Variants in GINS2 observed in about 807,000 individuals in gnomAD.
GINS2 encodes DNA replication complex GINS protein PSF2.
A neutral mutation model predicts 21.2 loss-of-function variants in GINS2; 23 were observed. That is an observed-to-expected ratio of 1.08 (90% CI 0.78 to 1.53). GINS2 has a LOEUF of 1.53. Among genes scored for constraint, GINS2 ranks in the 40% most tolerant of loss-of-function variants. The pLI, the probability that GINS2 is intolerant of heterozygous loss-of-function variation, is 0.00. For missense variants in GINS2, 323 were observed against 233.9 expected (o/e 1.38, Z -2.49); for synonymous variants, 118 against 85.6 (o/e 1.38, Z -2.09).
chr16:85,686,532 A>C (rs2053779232), intron 2 of GINS2, among the ~76,000 whole-genome samples: 1 of 152,162 alleles, frequency 6.6e-6, no homozygotes, highest in South Asian at 2.1e-4. Context: ...ACCTCCATCA[A>C]TCCCAATTTT....
intron 2 of GINS2, among the ~76,000 whole-genome samples, chr16:85,685,064 C>A (rs910314962): frequency 2.0e-5 from 3 of 152,092 alleles, no homozygotes; most frequent in Non-Finnish European, 4.4e-5. Flanking sequence ...GCTGGGATTA[C>A]AGGCATGAGC....
chr16:85,686,023 T>C lies in GINS2; in HGVS notation c.205+1437A>G, dbSNP rs186520897. Among the ~76,000 whole-genome samples the C allele has an allele frequency of 2.2e-3, 330 of 147,530 alleles. 1 individual carries two copies. The Middle Eastern group carries it at 0.063, about 28-fold the overall frequency. ...CAAAAAAATTAAGATTTTTTTTCCC[T>C]ATAATAAGCTACTCATATCTCCAAG... On this transcript the variant is annotated intron_variant, in intron 2 of 4. Transcript: ENST00000253462.
intron 2 of GINS2, 121 bp downstream of exon 2, chr16:85,687,330 AGTAGATAAC>A (rs1326035172): frequency 5.5e-6 from 3 of 541,942 alleles, no homozygotes; most frequent in Non-Finnish European, 1.0e-5. Flanking sequence ...TCAGCTGATC[AGTAGATAAC>A]GGAACAGAGG....
In GINS2 at chr16:85,676,505, G is replaced by A. The variant is rs1181904785; in HGVS notation, c.*1707C>T. Reference sequence around the variant, plus strand: ...CCAGTCTTCCAGGTCTGACCCTTCAGTGTCCAAATAACCACCAAAACCTGC... The same window carrying A: ...CCAGTCTTCCAGGTCTGACCCTTCAATGTCCAAATAACCACCAAAACCTGC... On this transcript the variant is annotated 3_prime_UTR_variant, in exon 5 of 5. Coordinates refer to ENST00000253462, the MANE Select transcript of GINS2 (RefSeq NM_016095.3). 1 of 152,294 alleles carries A rather than the reference G, an allele frequency of 6.6e-6. No individual in the cohort carries two copies. Among genetic ancestry groups the A allele is most frequent in the Non-Finnish European group, 1.5e-5 (1 of 68,080 alleles). 9.4% of individuals were successfully genotyped at this position (152,294 alleles called of 1,614,324 possible). A position where few individuals can be genotyped will look rare whatever the true frequency, so the allele number is the denominator to read the frequency against.
intron 3 of GINS2, 146 bp downstream of exon 3, chr16:85,681,436 T>C (rs865944922): frequency 4.9e-6 from 3 of 607,214 alleles, no homozygotes; most frequent in Middle Eastern, 4.0e-4. Context: ...GATGACCTCA[T>C]GGTCACTGAC....
chr16:85,686,087 C>A (rs1431893199), intron 2 of GINS2, among the ~76,000 whole-genome samples: 1 of 152,158 alleles, frequency 6.6e-6, no homozygotes, highest in African/African-American at 2.4e-5. Context: ...TAAAGCCTGT[C>A]TGCATCTTTG....
At position 85,678,536 on chromosome 16, in the gene GINS2, C is replaced by G; in HGVS notation, c.432+4G>C. On this transcript the variant is annotated splice_donor_region_variant and intron_variant, in intron 4 of 4. Coordinates refer to ENST00000253462, the MANE Select transcript of GINS2 (RefSeq NM_016095.3). The stretch of plus-strand genomic sequence containing the variant: ...CACCAGCACCCAGGCAAGGCGGCAC[C>G]TACCTTGGCATGTGCCTCCTGCTGT... 6.2e-7 allele frequency: 1 copy of G among 1,612,402 alleles called. No homozygotes were observed. The highest frequency in any genetic ancestry group is 8.5e-7 in the Non-Finnish European group (1 of 1,179,350).
At chr16:85,680,541 C>T (rs1042833060) in intron 3 of GINS2, among the ~76,000 whole-genome samples, 6 of 152,022 alleles carry the variant, frequency 3.9e-5, no homozygotes, top group Admixed American at 6.6e-5. Flanking sequence ...AAACATGAGC[C>T]GCAGGCATCT....
chr16:85,681,912 G>T (rs956155670), intron 2 of GINS2, among the ~76,000 whole-genome samples: 1 of 151,718 alleles, frequency 6.6e-6, no homozygotes, highest in Non-Finnish European at 1.5e-5. Flanking sequence ...TTAGCCTGCA[G>T]AAGATATTCC....
chr16:85,679,409 C>G (rs1297656868), intron 3 of GINS2, among the ~76,000 whole-genome samples: 1 of 152,202 alleles, frequency 6.6e-6, no homozygotes, highest in Non-Finnish European at 1.5e-5. Flanking sequence ...ACGATAAAAG[C>G]AGAAGCAAAT....
intron 2 of GINS2, among the ~76,000 whole-genome samples, chr16:85,682,285 G>C (rs2053740632): frequency 1.3e-5 from 2 of 152,098 alleles, no homozygotes; most frequent in Admixed American, 1.3e-4. Context: ...GAAGTGCTGG[G>C]ATTATAGGAG....
intron 2 of GINS2, among the ~76,000 whole-genome samples, chr16:85,683,288 A>T (rs1219354872): frequency 2.0e-5 from 3 of 152,022 alleles, no homozygotes; most frequent in Admixed American, 6.6e-5. Context: ...CAAAGAGCTC[A>T]GCTCCCAACC....
intron 2 of GINS2, among the ~76,000 whole-genome samples, chr16:85,682,269 C>T (rs975189327): frequency 6.6e-6 from 1 of 152,118 alleles, no homozygotes; most frequent in Non-Finnish European, 1.5e-5. Flanking sequence ...CCTGCCTCAG[C>T]TTCTCGAAGT....
At chr16:85,685,857 C>A (rs1042908190) in intron 2 of GINS2, among the ~76,000 whole-genome samples, 1 of 151,388 alleles carries the variant, frequency 6.6e-6, no homozygotes, top group African/African-American at 2.4e-5. Flanking sequence ...GTAGGTACCC[C>A]CAATAAGTCC....
rs1193673525 is a variant in GINS2 at position 85,688,833 on chromosome 16, A to G, written c.66T>C (p.Ser22=). ...KELVTIIPNF[S]LDKIYLIGGD... Reference sequence around the variant, plus strand: ...CCCCGATGAGGTAGATCTTGTCCAGACTGAAGTTGGGGATAATGGTAACCA... The same window carrying G: ...CCCCGATGAGGTAGATCTTGTCCAGGCTGAAGTTGGGGATAATGGTAACCA... Residue 22 remains serine, a synonymous_variant, in exon 1 of 5, where the codon AGT becomes AGC. Transcript: ENST00000253462. 1.3e-6 allele frequency: 2 copies of G among 1,544,902 alleles called. No homozygotes were observed. Among genetic ancestry groups the G allele is most frequent in the Admixed American group, 2.0e-5 (1 of 50,888 alleles).
rs1399659725 is a variant in GINS2 at position 85,676,717 on chromosome 16, T to A, written c.*1495A>T. ...CAGCCAAAAATAGGCTGGCCAGGCA[T>A]GGCGGCTCATGCTTGCAATCCCAGT... On this transcript the variant is annotated 3_prime_UTR_variant, in exon 5 of 5. Coordinates refer to ENST00000253462, the MANE Select transcript of GINS2 (RefSeq NM_016095.3). 6.6e-6 allele frequency: 1 copy of A among 152,204 alleles called. No homozygotes were observed. Among genetic ancestry groups the A allele is most frequent in the East Asian group, 1.9e-4 (1 of 5,196 alleles). The allele number at this position is 152,204 out of a possible 1,614,324, so 9.4% of individuals were successfully genotyped here.
Position 85,688,853 on chromosome 16 carries a change from T to A in GINS2, c.46A>T (p.Thr16Ser). ...TCCAGACTGAAGTTGGGGATAATGGTAACCAGCTCCTTCTCGGCGAGGAAT... is the reference window on the plus strand; with the variant it reads ...TCCAGACTGAAGTTGGGGATAATGGAAACCAGCTCCTTCTCGGCGAGGAAT... ...VEFLAEKELV[T>S]IIPNFSLDKI... Residue 16 changes from threonine (T) to serine (S), a missense_variant, in exon 1 of 5, where the codon ACC (threonine) becomes TCC (serine). By Grantham distance (58) the Thr-to-Ser change is moderately conservative. Transcript: ENST00000253462. The A allele has an allele frequency of 1.3e-6, 2 of 1,544,708 alleles. No individual in the cohort carries two copies. The highest frequency in any genetic ancestry group is 2.8e-5 in the African/African-American group (2 of 72,238).
rs184702329 is a variant in GINS2, at chr16:85,678,324, G to A, written c.446C>T (p.Thr149Ile). 2.7e-5 allele frequency: 43 copies of A among 1,613,882 alleles called. No individual in the cohort carries two copies. In the Admixed American group the frequency reaches 4.7e-4, roughly 18 times the overall value. Residue 149 changes from threonine to isoleucine, a missense_variant, in exon 5 of 5, where the codon ACC becomes ATC. Physicochemically the swap from Thr to Ile is moderately conservative, Grantham distance 89. Coordinates refer to ENST00000253462, the MANE Select transcript of GINS2 (RefSeq NM_016095.3). The part of the protein sequence containing the change: ...QEAHAKLDNL[T>I]LMEINTSGTF... ...CCCGCTGGTGTTGATCTCCATCAAG[G>A]TCAAGTTATCCAGCTAAAGCAAGAA... is the stretch of plus-strand genomic sequence containing the variant.
intron 1 of GINS2, chr16:85,688,115 G>C (rs570978440): frequency 2.6e-5 from 4 of 152,552 alleles, no homozygotes; most frequent in Admixed American, 1.3e-4. Context: ...CCGGGCGATA[G>C]AGCGAAACTC....
Sources: gnomAD v4.1 joint callset for allele counts (sites outside exome capture counted in the v4.1 genomes callset) on GRCh38, gnomAD v4.1.1 for gene constraint, MANE v1.5 for transcripts, NCBI Gene and HGNC (gene_info 2026-07-23, HGNC 2026-07-21) for gene names.